CAST: variants seen among roughly 807,000 people sequenced by gnomAD.
The protein encoded by CAST is calpastatin.
A neutral mutation model predicts 119.6 loss-of-function variants in CAST; 76 were observed. The observed-to-expected ratio is 0.64, with a 90% confidence interval of 0.53 to 0.77. The LOEUF (loss-of-function observed/expected upper bound fraction) is 0.77, where lower values mean the gene tolerates loss of function less well. CAST is among the 30% of genes least tolerant of loss of function. The pLI is 0.00. For missense variants in CAST, 953 were observed against 946.5 expected, an observed-to-expected ratio of 1.01 and a Z score of -0.09; for synonymous variants, 319 against 331.6, an observed-to-expected ratio of 0.96 and a Z score of 0.41.
the CAST span, among the ~76,000 whole-genome samples, chr5:96,005,704 G>C: frequency 6.6e-6 from 1 of 152,088 alleles, no homozygotes; most frequent in African/African-American, 2.4e-5. Context: ...TTAAACGTGT[G>C]ATAGGGGAAA....
chr5:96,431,654 G>T, the CAST span, among the ~76,000 whole-genome samples: 1 of 152,068 alleles, frequency 6.6e-6, no homozygotes, highest in African/African-American at 2.4e-5. Flanking sequence ...TTTTCCTTTC[G>T]GGCATTTCAA....
At chr5:96,393,453 C>T in the CAST span, 1 of 1,551,948 alleles carries the variant, frequency 6.4e-7, no homozygotes, top group Non-Finnish European at 8.9e-7. Context: ...TGCAACCCTA[C>T]CACAGGAACG....
At chr5:96,195,251 G>T in the CAST span, among the ~76,000 whole-genome samples, 1 of 152,168 alleles carries the variant, frequency 6.6e-6, no homozygotes, top group African/African-American at 2.4e-5. Flanking sequence ...CAATTCATTA[G>T]GAATGTGGAT....
the CAST span, among the ~76,000 whole-genome samples, chr5:96,179,733 G>A: frequency 6.6e-5 from 10 of 152,168 alleles, no homozygotes; most frequent in African/African-American, 1.7e-4. Flanking sequence ...AACGTTACAC[G>A]GTTTAGAACT....
the CAST span, among the ~76,000 whole-genome samples, chr5:96,227,044 A>G: frequency 2.0e-5 from 3 of 152,204 alleles, no homozygotes; most frequent in Non-Finnish European, 2.9e-5. Flanking sequence ...CATCTGGCAT[A>G]CAAAGCTGGC....
the CAST span, among the ~76,000 whole-genome samples, chr5:96,109,136 T>C: frequency 3.9e-5 from 6 of 152,178 alleles, no homozygotes; most frequent in South Asian, 4.1e-4. Flanking sequence ...GCACTCCCTA[T>C]TGAGATGAAC....
chr5:96,150,030 A>G, the CAST span, among the ~76,000 whole-genome samples: 1 of 152,182 alleles, frequency 6.6e-6, no homozygotes, highest in Admixed American at 6.5e-5. Context: ...ATCTCAAAAA[A>G]TATTTGTTAA....
At chr5:96,440,465 C>T in the CAST span, among the ~76,000 whole-genome samples, 1 of 152,112 alleles carries the variant, frequency 6.6e-6, no homozygotes, top group Non-Finnish European at 1.5e-5. Context: ...CCAACTCAAG[C>T]AAACATGTAT....
chr5:96,375,762 A>G, the CAST span, among the ~76,000 whole-genome samples: 1 of 151,784 alleles, frequency 6.6e-6, no homozygotes, highest in Non-Finnish European at 1.5e-5. Context: ...GTTCCCACCG[A>G]ATAAGAAATT....
At chr5:96,388,100 C>T in the CAST span, among the ~76,000 whole-genome samples, 1 of 152,128 alleles carries the variant, frequency 6.6e-6, no homozygotes, top group Non-Finnish European at 1.5e-5. Flanking sequence ...GCATTCCAGC[C>T]AAATTGACTG....
the CAST span, among the ~76,000 whole-genome samples, chr5:96,086,338 G>T: frequency 1.3e-5 from 2 of 152,170 alleles, no homozygotes; most frequent in Non-Finnish European, 2.9e-5. Context: ...GGATGGTGAA[G>T]CCTCAACAAT....
At chr5:96,526,045 A>G (rs1393950405), upstream of CAST, among the ~76,000 whole-genome samples, 1 of 144,170 alleles carries the variant, frequency 6.9e-6, no homozygotes, top group African/African-American at 2.5e-5. Flanking sequence ...TGATGCCTGC[A>G]CTAGTACCTC....
chr5:96,130,647 C>A, the CAST span, among the ~76,000 whole-genome samples: 34 of 151,668 alleles, frequency 2.2e-4, no homozygotes, highest in Non-Finnish European at 4.0e-4. Context: ...TAAAATTGCA[C>A]ATAAAAGATT....
At chr5:96,374,653 C>T in the CAST span, among the ~76,000 whole-genome samples, 5 of 152,270 alleles carry the variant, frequency 3.3e-5, no homozygotes, top group African/African-American at 7.2e-5. Flanking sequence ...AGTCCTGTCT[C>T]ATCAAAGCAT....
At chr5:96,406,383 A>G in the CAST span, among the ~76,000 whole-genome samples, 4 of 152,158 alleles carry the variant, frequency 2.6e-5, no homozygotes, top group Non-Finnish European at 4.4e-5. Context: ...ACTTCCTATT[A>G]TAAGTGAACT....
At chr5:96,225,671 G>T in the CAST span, among the ~76,000 whole-genome samples, 1 of 152,138 alleles carries the variant, frequency 6.6e-6, no homozygotes, top group African/African-American at 2.4e-5. Flanking sequence ...TATCTGAGAT[G>T]ATTTTCTTGA....
chr5:96,008,884 T>C, the CAST span, among the ~76,000 whole-genome samples: 1 of 152,214 alleles, frequency 6.6e-6, no homozygotes. Flanking sequence ...ATGGGTATAT[T>C]GTATGATGCT....
At chr5:96,257,396 T>A in the CAST span, among the ~76,000 whole-genome samples, 3 of 152,116 alleles carry the variant, frequency 2.0e-5, no homozygotes, top group African/African-American at 7.2e-5. Context: ...TCCATCTTGG[T>A]TGGAAAAAAA....
chr5:96,553,188 C>A (rs766590436), intron 1 of CAST, among the ~76,000 whole-genome samples: 4 of 152,182 alleles, frequency 2.6e-5, no homozygotes, highest in Non-Finnish European at 5.9e-5. Context: ...CCGAATCCAG[C>A]AGCACATCAA....
Sources: gnomAD v4.1 joint callset for allele counts (sites outside exome capture counted in the v4.1 genomes callset) on GRCh38, gnomAD v4.1.1 for gene constraint, MANE v1.5 for transcripts, NCBI Gene and HGNC (gene_info 2026-07-23, HGNC 2026-07-21) for gene names.